Variants in SCHIP1 observed in about 807,000 individuals in gnomAD.
SCHIP1 encodes the protein schwannomin interacting protein 1.
Under a neutral mutation model 29.7 loss-of-function variants are expected in SCHIP1, and 8 were observed. That is an observed-to-expected ratio of 0.27 (90% confidence interval 0.16 to 0.49). The LOEUF (loss-of-function observed/expected upper bound fraction) is 0.49. SCHIP1 is among the 20% of genes least tolerant of loss of function. SCHIP1 has a pLI of 0.99. For missense variants in SCHIP1, 193 were observed against 294.6 expected (o/e 0.66, Z 2.52); for synonymous variants, 76 against 94.9 (o/e 0.80, Z 1.16).
intron 2 of SCHIP1, among the ~76,000 whole-genome samples, chr3:159,878,275 C>T (rs1230892895): frequency 6.6e-6 from 1 of 150,518 alleles, no homozygotes. Flanking sequence ...GTCAGTAGTT[C>T]GGGACCAGCC....
chr3:159,525,572 T>C, the SCHIP1 span, among the ~76,000 whole-genome samples: 1 of 152,226 alleles, frequency 6.6e-6, no homozygotes, highest in African/African-American at 2.4e-5. Flanking sequence ...AGGTTCTTGG[T>C]GCATTGAGAG....
chr3:159,889,072 G>T, intron 5 of SCHIP1, 129 bp downstream of exon 6: 1 of 1,252,930 alleles, frequency 8.0e-7, no homozygotes, highest in South Asian at 1.7e-5. Flanking sequence ...GAAAATAAGA[G>T]AATCACAAGG....
the SCHIP1 span, among the ~76,000 whole-genome samples, chr3:159,544,222 G>C: frequency 6.6e-6 from 1 of 151,716 alleles, no homozygotes; most frequent in Non-Finnish European, 1.5e-5. Flanking sequence ...AACTATTTTA[G>C]TCCACATTAA....
the SCHIP1 span, among the ~76,000 whole-genome samples, chr3:159,445,735 A>G: frequency 2.0e-5 from 3 of 152,108 alleles, no homozygotes; most frequent in African/African-American, 7.2e-5. Context: ...AGGGACATGG[A>G]TGAAATTGGA....
chr3:159,888,895 A>T, exon 5 of SCHIP1: 1 of 1,614,160 alleles, frequency 6.2e-7, no homozygotes, highest in Non-Finnish European at 8.5e-7. Context: ...AGACATGACT[A>T]TTGGGCAGCT....
At chr3:159,480,992 C>G in the SCHIP1 span, among the ~76,000 whole-genome samples, 1 of 151,786 alleles carries the variant, frequency 6.6e-6, no homozygotes, top group Non-Finnish European at 1.5e-5. Context: ...TGGGCAGGGG[C>G]GGGGGTCACA....
chr3:159,286,827 A>G, the SCHIP1 span, among the ~76,000 whole-genome samples: 1 of 152,134 alleles, frequency 6.6e-6, no homozygotes, highest in African/African-American at 2.4e-5. Context: ...ATGATTAGTG[A>G]TGCAGCATTT....
chr3:159,691,714 GT>G, the SCHIP1 span, among the ~76,000 whole-genome samples: 1 of 151,978 alleles, frequency 6.6e-6, no homozygotes, highest in Non-Finnish European at 1.5e-5. Flanking sequence ...TTACATTTTG[GT>G]TTGTTTTTGC....
the SCHIP1 span, among the ~76,000 whole-genome samples, chr3:159,557,365 C>T: frequency 7.0e-4 from 107 of 152,284 alleles, 1 homozygote; most frequent in African/African-American, 2.5e-3. Flanking sequence ...ATGATATTGA[C>T]TCCTACTATG....
At chr3:159,656,428 G>A in the SCHIP1 span, among the ~76,000 whole-genome samples, 1 of 152,246 alleles carries the variant, frequency 6.6e-6, no homozygotes, top group Admixed American at 6.5e-5. Context: ...GTACCTTAGA[G>A]AGTTCTCGAA....
chr3:159,340,254 CCT>C, the SCHIP1 span, among the ~76,000 whole-genome samples: 1 of 151,762 alleles, frequency 6.6e-6, no homozygotes, highest in East Asian at 1.9e-4. Context: ...GATGGAAAAC[CCT>C]CTCTCATTTT....
the SCHIP1 span, among the ~76,000 whole-genome samples, chr3:159,545,815 T>C: frequency 2.6e-5 from 4 of 150,982 alleles, no homozygotes; most frequent in Non-Finnish European, 5.9e-5. Flanking sequence ...CCATTTGTTC[T>C]GTCCCTCTAG....
chr3:159,838,900 CAA>C (rs546361167), upstream of SCHIP1, among the ~76,000 whole-genome samples: 15 of 58,486 alleles, frequency 2.6e-4, no homozygotes, highest in African/African-American at 5.7e-4. Context: ...GACTCCATCT[CAA>C]AAAAAAAAAA....
chr3:159,478,107 G>C, the SCHIP1 span, among the ~76,000 whole-genome samples: 2 of 151,852 alleles, frequency 1.3e-5, no homozygotes, highest in Non-Finnish European at 2.9e-5. Flanking sequence ...ATTTTTAGTA[G>C]AGATGGGGTT....
chr3:159,696,721 G>A, the SCHIP1 span, among the ~76,000 whole-genome samples: 7 of 152,106 alleles, frequency 4.6e-5, no homozygotes, highest in East Asian at 5.8e-4. Flanking sequence ...TGTGGGTGTC[G>A]GGGTTCTTAA....
intron 1 of SCHIP1, among the ~76,000 whole-genome samples, chr3:159,849,511 A>G (rs1276509818): frequency 6.6e-6 from 1 of 152,214 alleles, no homozygotes; most frequent in Non-Finnish European, 1.5e-5. Flanking sequence ...CCCCAAGTGC[A>G]GTGGACTGAG....
At chr3:159,826,096 G>A in the SCHIP1 span, among the ~76,000 whole-genome samples, 352 of 152,282 alleles carry the variant, frequency 2.3e-3, 2 homozygotes, top group African/African-American at 8.1e-3. Context: ...TAAATGTTGT[G>A]GAAAACCGAG....
chr3:159,576,562 T>C, the SCHIP1 span, among the ~76,000 whole-genome samples: 1 of 152,202 alleles, frequency 6.6e-6, no homozygotes, highest in Non-Finnish European at 1.5e-5. Flanking sequence ...TGTATCTTTT[T>C]GAATAACTCT....
the SCHIP1 span, among the ~76,000 whole-genome samples, chr3:159,320,537 A>G: frequency 6.6e-6 from 1 of 152,104 alleles, no homozygotes; most frequent in East Asian, 1.9e-4. Context: ...CATCAATCAA[A>G]TTCAGGTTCA....
Sources: gnomAD v4.1 joint callset for allele counts (sites outside exome capture counted in the v4.1 genomes callset) on GRCh38, gnomAD v4.1.1 for gene constraint, MANE v1.5 for transcripts, NCBI Gene and HGNC (gene_info 2026-07-23, HGNC 2026-07-21) for gene names.